The following SOX6 variants were observed in gnomAD, a reference collection of about 807,000 sequenced individuals.
SOX6 encodes SRY-box transcription factor 6.
Under a neutral mutation model 97.8 loss-of-function variants are expected in SOX6, and 11 were observed. The ratio of observed to expected loss-of-function variants is 0.11; its 90% CI spans 0.07 to 0.19. The LOEUF (loss-of-function observed/expected upper bound fraction) is 0.19. Among genes scored for constraint, SOX6 ranks in the 10% least tolerant of loss-of-function variants. The probability of loss-of-function intolerance (pLI) is 1.00; values close to 1 mark genes in which losing one functional copy is unlikely to be tolerated. For synonymous variants in SOX6, 360 were observed against 371.4 expected, an observed-to-expected ratio of 0.97 and a Z score of 0.35; for missense variants, 810 against 1,039.5, an observed-to-expected ratio of 0.78 and a Z score of 3.04.
rs1848157256 is a variant in SOX6 at position 16,591,824 on chromosome 11, CAAT to C, written n.609+20254_609+20256del. ...TTTGTATGTAATCAATTTGTGCAAT[CAAT>C]GATGTTCTTCTCCCATTTGGATCTA... On this transcript the variant is annotated intron_variant and non_coding_transcript_variant, in intron 4 of 5. Coordinates refer to the SOX6 transcript ENST00000524520. Among the ~76,000 whole-genome samples, 3 of 152,218 alleles carry C rather than the reference CAAT, an allele frequency of 2.0e-5. No homozygotes were observed. In the South Asian group the frequency reaches 6.2e-4, roughly 32 times the overall value.
intron 3 of SOX6, among the ~76,000 whole-genome samples, chr11:16,297,107 A>G (rs1855116709): frequency 6.6e-6 from 1 of 152,196 alleles, no homozygotes; most frequent in African/African-American, 2.4e-5. Context: ...TAATTTTTAA[A>G]GCAGATGAGA....
chr11:16,101,590 G>A (rs114116693), intron 7 of SOX6, among the ~76,000 whole-genome samples: 94 of 151,556 alleles, frequency 6.2e-4, no homozygotes, highest in African/African-American at 1.5e-3. Context: ...CCAATCATCC[G>A]AAAATCTGTG....
chr11:16,612,821 C>T (rs1338155930), intron 3 of SOX6, among the ~76,000 whole-genome samples: 1 of 152,094 alleles, frequency 6.6e-6, no homozygotes, highest in Non-Finnish European at 1.5e-5. Context: ...TGCACAAGGG[C>T]AGCTGGAATC....
intron 6 of SOX6, among the ~76,000 whole-genome samples, chr11:16,143,438 A>C (rs1850202901): frequency 6.6e-6 from 1 of 152,228 alleles, no homozygotes; most frequent in Non-Finnish European, 1.5e-5. Flanking sequence ...AAGAAACTGC[A>C]TCAACTAACG....
intron 3 of SOX6, among the ~76,000 whole-genome samples, chr11:16,643,601 G>A (rs1391017218): frequency 1.3e-5 from 2 of 152,174 alleles, no homozygotes; most frequent in East Asian, 3.9e-4. Flanking sequence ...ACCTACTCAA[G>A]CCTCAGCAAT....
At chr11:16,657,998 T>G (rs1442424341) in intron 3 of SOX6, among the ~76,000 whole-genome samples, 1 of 152,258 alleles carries the variant, frequency 6.6e-6, no homozygotes, top group Non-Finnish European at 1.5e-5. Context: ...TTGTTTCCAG[T>G]TTTTGTTAAT....
chr11:16,463,497 C>T (rs1433717672), intron 1 of SOX6, among the ~76,000 whole-genome samples: 1 of 152,184 alleles, frequency 6.6e-6, no homozygotes, highest in Non-Finnish European at 1.5e-5. Context: ...CTGGGTATTG[C>T]AGGGGAGGAA....
At chr11:16,236,846 G>A (rs1287536969) in intron 3 of SOX6, among the ~76,000 whole-genome samples, 1 of 151,966 alleles carries the variant, frequency 6.6e-6, no homozygotes, top group Non-Finnish European at 1.5e-5. Flanking sequence ...CTTAAACCAT[G>A]TGGACACAGC....
intron 4 of SOX6, among the ~76,000 whole-genome samples, chr11:16,494,459 G>A (rs1275373162): frequency 6.6e-6 from 1 of 152,144 alleles, no homozygotes; most frequent in Non-Finnish European, 1.5e-5. Context: ...TATGTATTGT[G>A]AAACTTTTAA....
intron 4 of SOX6, among the ~76,000 whole-genome samples, chr11:16,498,223 C>T (rs1860641282): frequency 6.6e-6 from 1 of 152,118 alleles, no homozygotes; most frequent in African/African-American, 2.4e-5. Flanking sequence ...AACTAAGCTT[C>T]ATAAGTGAAG....
chr11:16,630,150 T>C (rs1312652603), intron 3 of SOX6, among the ~76,000 whole-genome samples: 1 of 152,212 alleles, frequency 6.6e-6, no homozygotes, highest in Admixed American at 6.5e-5. Flanking sequence ...AGTTTGTTCT[T>C]GTTTTTCTAG....
intron 4 of SOX6, among the ~76,000 whole-genome samples, chr11:16,547,216 A>G (rs530672729): frequency 6.6e-6 from 1 of 152,212 alleles, no homozygotes; most frequent in African/African-American, 2.4e-5. Flanking sequence ...ATTTCTCAAC[A>G]AACTAAAAAT....
At chr11:16,618,942 A>G (rs765907466) in intron 3 of SOX6, among the ~76,000 whole-genome samples, 2 of 152,042 alleles carry the variant, frequency 1.3e-5, no homozygotes, top group Non-Finnish European at 2.9e-5. Context: ...ATTCATAATA[A>G]CAAGGACTTC....
intron 4 of SOX6, among the ~76,000 whole-genome samples, chr11:16,611,017 G>C (rs1323456478): frequency 6.6e-6 from 1 of 152,232 alleles, no homozygotes; most frequent in Non-Finnish European, 1.5e-5. Flanking sequence ...GGAAGGAGGG[G>C]CGAGCGGGTG....
chr11:16,290,083 G>A (rs903292560), intron 3 of SOX6, among the ~76,000 whole-genome samples: 2 of 151,816 alleles, frequency 1.3e-5, no homozygotes, highest in Non-Finnish European at 2.9e-5. Flanking sequence ...ACTTGTTTCG[G>A]TTACTACCCT....
chr11:16,437,009 C>T (rs1238140034), intron 1 of SOX6, among the ~76,000 whole-genome samples: 3 of 151,758 alleles, frequency 2.0e-5, no homozygotes, highest in Non-Finnish European at 2.9e-5. Context: ...GTAATCCCAG[C>T]ACTTTGGGAG....
At chr11:16,430,415 T>C (rs999972399) in intron 1 of SOX6, among the ~76,000 whole-genome samples, 2 of 152,194 alleles carry the variant, frequency 1.3e-5, no homozygotes, top group African/African-American at 4.8e-5. Flanking sequence ...CTTTCTATAG[T>C]CTGAATATTA....
At chr11:16,248,971 C>T (rs898149401) in intron 3 of SOX6, among the ~76,000 whole-genome samples, 1 of 151,998 alleles carries the variant, frequency 6.6e-6, no homozygotes, top group African/African-American at 2.4e-5. Flanking sequence ...CATGGTGGCA[C>T]ATGCCTGTAG....
chr11:16,338,022 T>C (rs1211924784), intron 2 of SOX6, among the ~76,000 whole-genome samples: 1 of 152,046 alleles, frequency 6.6e-6, no homozygotes, highest in Non-Finnish European at 1.5e-5. Context: ...CATTTCAAAG[T>C]AAAACCCTTC....
Sources: gnomAD v4.1 joint callset for allele counts (sites outside exome capture counted in the v4.1 genomes callset) on GRCh38, gnomAD v4.1.1 for gene constraint, MANE v1.5 for transcripts, NCBI Gene and HGNC (gene_info 2026-07-23, HGNC 2026-07-21) for gene names.